Variants in CNTN5 observed in about 807,000 individuals in gnomAD.
CNTN5 encodes the protein contactin 5.
Under a neutral mutation model 129.1 loss-of-function variants are expected in CNTN5, and 77 were observed. The observed-to-expected ratio is 0.60, with a 90% CI of 0.50 to 0.72. CNTN5 has a LOEUF of 0.72. CNTN5 is among the 30% of genes least tolerant of loss of function. The pLI is 0.00. For synonymous variants in CNTN5, 509 were observed against 465.6 expected (o/e 1.09, Z -1.20); for missense variants, 1,478 against 1,328.8 (o/e 1.11, Z -1.75).
chr11:99,894,612 A>G (rs927883556), intron 6 of CNTN5, among the ~76,000 whole-genome samples: 1 of 151,994 alleles, frequency 6.6e-6, no homozygotes, highest in Admixed American at 6.6e-5. Flanking sequence ...AATTCACAGC[A>G]GTTAGATCAA....
chr11:100,280,325 CTCTCA>C (rs1950608639), intron 18 of CNTN5, among the ~76,000 whole-genome samples: 2 of 151,846 alleles, frequency 1.3e-5, no homozygotes. Flanking sequence ...CTTTCCTTAC[CTCTCA>C]TAATATTTCC....
At chr11:99,471,596 CCTT>C (rs1945176123) in intron 2 of CNTN5, among the ~76,000 whole-genome samples, 2 of 152,104 alleles carry the variant, frequency 1.3e-5, no homozygotes, top group Middle Eastern at 3.4e-3. Flanking sequence ...GTACCTCACT[CCTT>C]CATCTGTAAA....
intron 1 of CNTN5, among the ~76,000 whole-genome samples, chr11:99,067,064 C>T (rs934961840): frequency 6.6e-6 from 1 of 152,144 alleles, no homozygotes; most frequent in Non-Finnish European, 1.5e-5. Context: ...CTATCATTAG[C>T]AGTTCCCCAG....
intron 4 of CNTN5, among the ~76,000 whole-genome samples, chr11:99,823,910 CAAT>C (rs1946875201): frequency 6.6e-6 from 1 of 151,884 alleles, no homozygotes; most frequent in East Asian, 1.9e-4. Context: ...ATTTTTGTGT[CAAT>C]GATACTGTGT....
At chr11:100,325,442 T>C (rs1450899544) in intron 21 of CNTN5, among the ~76,000 whole-genome samples, 7 of 152,178 alleles carry the variant, frequency 4.6e-5, no homozygotes, top group Non-Finnish European at 1.0e-4. Context: ...CAGTCCTCAC[T>C]GCAATCACAG....
chr11:99,963,313 T>C (rs914659355), intron 8 of CNTN5, among the ~76,000 whole-genome samples: 2 of 152,182 alleles, frequency 1.3e-5, no homozygotes, highest in Admixed American at 6.6e-5. Flanking sequence ...AAGTCTTTGC[T>C]CCATCTTGAA....
At chr11:99,437,049 C>T (rs1490088289) in intron 2 of CNTN5, among the ~76,000 whole-genome samples, 1 of 152,178 alleles carries the variant, frequency 6.6e-6, no homozygotes, top group Non-Finnish European at 1.5e-5. Flanking sequence ...GCCTAATAGG[C>T]ATCTCACGTA....
intron 16 of CNTN5, among the ~76,000 whole-genome samples, chr11:100,229,222 T>C (rs1003342208): frequency 1.3e-5 from 2 of 152,190 alleles, no homozygotes; most frequent in African/African-American, 4.8e-5. Context: ...ATATTTATTT[T>C]ACCCCATGAG....
intron 2 of CNTN5, among the ~76,000 whole-genome samples, chr11:99,534,913 A>G (rs1947846183): frequency 6.6e-6 from 1 of 152,164 alleles, no homozygotes; most frequent in South Asian, 2.1e-4. Context: ...GATGTGTGAA[A>G]GGTGGTATGT....
chr11:99,678,012 C>T (rs1486290816), intron 3 of CNTN5, among the ~76,000 whole-genome samples: 1 of 152,090 alleles, frequency 6.6e-6, no homozygotes, highest in Non-Finnish European at 1.5e-5. Flanking sequence ...TTTATTTCTG[C>T]TTCATACACT....
chr11:99,130,090 C>T (rs1382789677), intron 1 of CNTN5, among the ~76,000 whole-genome samples: 5 of 151,934 alleles, frequency 3.3e-5, no homozygotes, highest in Non-Finnish European at 5.9e-5. Flanking sequence ...ATTATGATGA[C>T]AGGATCAAAT....
intron 8 of CNTN5, among the ~76,000 whole-genome samples, chr11:99,993,689 A>C (rs2137426881): frequency 6.6e-6 from 1 of 152,226 alleles, no homozygotes; most frequent in East Asian, 1.9e-4. Flanking sequence ...CCTGCTGTGC[A>C]GCCTGGTTCC....
At chr11:99,036,569 G>T (rs1363398721) in intron 1 of CNTN5, among the ~76,000 whole-genome samples, 1 of 152,036 alleles carries the variant, frequency 6.6e-6, no homozygotes, top group Non-Finnish European at 1.5e-5. Context: ...TCTTAGTTAT[G>T]AATTTTATAT....
At chr11:99,889,329 TGTGTG>T (rs1565642813) in intron 6 of CNTN5, among the ~76,000 whole-genome samples, 1,759 of 46,368 alleles carry the variant, frequency 0.038, 46 homozygotes, top group East Asian at 0.14. Context: ...TGTGTGTGTG[TGTGTG>T]TGTGTGTGTG....
intron 2 of CNTN5, among the ~76,000 whole-genome samples, chr11:99,546,447 CA>C (rs1338969990): frequency 1.3e-5 from 2 of 152,198 alleles, no homozygotes; most frequent in African/African-American, 4.8e-5. Flanking sequence ...ACTGAAGAAT[CA>C]CAAGATCTAT....
intron 7 of CNTN5, among the ~76,000 whole-genome samples, chr11:99,934,872 C>CTGTGTGTGTGTGTGTGTG (rs369560126): frequency 1.8e-4 from 9 of 50,122 alleles, no homozygotes; most frequent in African/African-American, 4.2e-4. Context: ...GAGACTCAGT[C>CTGTGTGTGTGTGTGTGTG]TGTGTGTGTG....
chr11:99,404,171 C>T (rs1941963670), intron 2 of CNTN5, among the ~76,000 whole-genome samples: 1 of 151,774 alleles, frequency 6.6e-6, no homozygotes, highest in African/African-American at 2.4e-5. Flanking sequence ...ATTAGTATAG[C>T]TGTTTCTGCT....
intron 3 of CNTN5, among the ~76,000 whole-genome samples, chr11:99,609,047 T>C (rs893550250): frequency 6.6e-6 from 1 of 152,214 alleles, no homozygotes; most frequent in African/African-American, 2.4e-5. Context: ...CACATGACTA[T>C]TCCCAAATGT....
chr11:99,722,928 G>T (rs1165125632), intron 3 of CNTN5, among the ~76,000 whole-genome samples: 1 of 151,900 alleles, frequency 6.6e-6, no homozygotes, highest in Non-Finnish European at 1.5e-5. Context: ...CATTTCCTCA[G>T]ACACTTATTT....
Sources: allele counts gnomAD v4.1 joint callset (sites outside exome capture counted in the v4.1 genomes callset), GRCh38; gene constraint gnomAD v4.1.1; transcripts MANE v1.5; gene names NCBI Gene and HGNC (gene_info 2026-07-23, HGNC 2026-07-21).